TXNDC15: variants seen among roughly 807,000 people sequenced by gnomAD.
TXNDC15 encodes thioredoxin domain containing 15.
TXNDC15 carries 24 observed loss-of-function variants against 35.0 expected under a neutral mutation model. The observed-to-expected ratio is 0.68, with a 90% CI of 0.50 to 0.96. TXNDC15 has a LOEUF of 0.96. Among genes scored for constraint, TXNDC15 ranks in the 40% least tolerant of loss-of-function variants. TXNDC15 has a pLI of 0.00. For missense variants in TXNDC15, 385 were observed against 453.3 expected (o/e 0.85, Z 1.37); for synonymous variants, 169 against 174.0 (o/e 0.97, Z 0.23).
chr5:134,885,597 CT>C (rs1251366186), intron 1 of TXNDC15, among the ~76,000 whole-genome samples: 1 of 152,182 alleles, frequency 6.6e-6, no homozygotes, highest in Non-Finnish European at 1.5e-5. Context: ...GATAGCTCCT[CT>C]CATCTGCAGT....
chr5:134,888,552 C>T (rs934295737), intron 2 of TXNDC15, among the ~76,000 whole-genome samples: 2 of 152,048 alleles, frequency 1.3e-5, no homozygotes, highest in East Asian at 1.9e-4. Context: ...GGCATGATAT[C>T]GGCTCACTGC....
chr5:134,886,623 C>T (rs1353820832), intron 1 of TXNDC15, among the ~76,000 whole-genome samples: 1 of 152,236 alleles, frequency 6.6e-6, no homozygotes, highest in Admixed American at 6.5e-5. Context: ...CTGCCGAGCC[C>T]ATCTCCCAGC....
At chr5:134,875,149 C>G (rs957702742) in intron 1 of TXNDC15, 3 of 456,094 alleles carry the variant, frequency 6.6e-6, no homozygotes, top group Non-Finnish European at 1.3e-5. Context: ...GAAAAACAGA[C>G]GAGAAACACG....
At chr5:134,882,282 G>A (rs1334748659) in intron 1 of TXNDC15, among the ~76,000 whole-genome samples, 2 of 151,674 alleles carry the variant, frequency 1.3e-5, no homozygotes, top group Non-Finnish European at 2.9e-5. Flanking sequence ...TCCTAGATGG[G>A]ATGGCGGCCG....
chr5:134,895,471 G>A (rs1449671327), intron 3 of TXNDC15, among the ~76,000 whole-genome samples: 1 of 152,090 alleles, frequency 6.6e-6, no homozygotes, highest in Non-Finnish European at 1.5e-5. Flanking sequence ...TCCCTAACCT[G>A]CTTTCTTCTT....
chr5:134,874,014 TC>T (rs527390317), upstream of TXNDC15: 258 of 161,640 alleles, frequency 1.6e-3, 1 homozygote, highest in Non-Finnish European at 2.1e-3. Flanking sequence ...TTTCTGCACC[TC>T]GATGGGACAC....
intron 1 of TXNDC15, among the ~76,000 whole-genome samples, chr5:134,881,584 C>T (rs1328935903): frequency 1.8e-4 from 23 of 126,130 alleles, no homozygotes; most frequent in Non-Finnish European, 3.5e-4. Context: ...CCCATGTCTA[C>T]CTCTTTCTAC....
At chr5:134,880,458 A>C (rs1312976043) in intron 1 of TXNDC15, among the ~76,000 whole-genome samples, 1 of 148,804 alleles carries the variant, frequency 6.7e-6, no homozygotes, top group Non-Finnish European at 1.5e-5. Context: ...TTTTTTTGAG[A>C]TGGAGTCTCG....
chr5:134,874,633 C>G (rs2150182303), intron 1 of TXNDC15, 103 bp downstream of exon 1: 3 of 930,638 alleles, frequency 3.2e-6, no homozygotes, highest in South Asian at 3.5e-5. Flanking sequence ...GCGACTCGCC[C>G]CTTCTTGGCG....
chr5:134,887,225 C>T (rs987435666), intron 1 of TXNDC15, among the ~76,000 whole-genome samples: 3 of 152,182 alleles, frequency 2.0e-5, no homozygotes, highest in Non-Finnish European at 4.4e-5. Flanking sequence ...TGCTCTGTCG[C>T]CCAGACTGGA....
intron 3 of TXNDC15, 28 bp from the exon 4 acceptor site, chr5:134,896,266 C>G (rs1389583853): frequency 1.3e-6 from 2 of 1,598,510 alleles, no homozygotes; most frequent in Non-Finnish European, 1.7e-6. Context: ...ATAATAAATT[C>G]AGGTTTTTTG....
intron 1 of TXNDC15, among the ~76,000 whole-genome samples, chr5:134,877,397 A>G (rs918218246): frequency 6.6e-6 from 1 of 152,104 alleles, no homozygotes; most frequent in Non-Finnish European, 1.5e-5. Context: ...TTAGCAGGGG[A>G]GTGACATGAT....
chr5:134,890,819 C>G (rs1750375153), intron 2 of TXNDC15, among the ~76,000 whole-genome samples: 1 of 152,240 alleles, frequency 6.6e-6, no homozygotes, highest in Non-Finnish European at 1.5e-5. Context: ...TGGAGTCAAT[C>G]CTCTCAAACC....
At chr5:134,883,419 T>C (rs1276395521) in intron 1 of TXNDC15, among the ~76,000 whole-genome samples, 2 of 150,782 alleles carry the variant, frequency 1.3e-5, no homozygotes, top group East Asian at 3.9e-4. Flanking sequence ...AGAGCAAGAC[T>C]CTGTCTCAAA....
rs114907746 is a variant in TXNDC15, at chr5:134,894,238, G to A, written c.755+583G>A. Among the ~76,000 whole-genome samples the A allele has an allele frequency of 9.7e-3, 1,467 of 151,844 alleles. 23 individuals are homozygous for A. Among genetic ancestry groups the A allele is most frequent in the African/African-American group, 0.033 (1,363 of 41,384 alleles). On this transcript the variant is annotated intron_variant, in intron 3 of 4. Coordinates refer to ENST00000358387, the MANE Select transcript of TXNDC15 (RefSeq NM_024715.4). ...CATTTATCTTTGTTTTATATTTCTC[G>A]TGTATCATTCACTGGGTTTTTGTCC...
chr5:134,886,872 AGCCTCTC>A (rs1433288250), intron 1 of TXNDC15, among the ~76,000 whole-genome samples: 1 of 152,128 alleles, frequency 6.6e-6, no homozygotes, highest in African/African-American at 2.4e-5. Flanking sequence ...CACTGTGCTG[AGCCTCTC>A]TGTGCCTTGC....
At chr5:134,894,811 G>A (rs964827784) in intron 3 of TXNDC15, among the ~76,000 whole-genome samples, 1 of 152,056 alleles carries the variant, frequency 6.6e-6, no homozygotes, top group Non-Finnish European at 1.5e-5. Context: ...GAGGTTGTGT[G>A]TAAATAAATC....
intron 1 of TXNDC15, among the ~76,000 whole-genome samples, chr5:134,879,865 G>A (rs1339128622): frequency 2.0e-5 from 3 of 147,206 alleles, no homozygotes; most frequent in Non-Finnish European, 4.4e-5. Context: ...CGTGATTCTC[G>A]GCTCACTGCA....
intron 3 of TXNDC15, among the ~76,000 whole-genome samples, chr5:134,895,344 G>A (rs1022695104): frequency 3.9e-5 from 6 of 152,186 alleles, no homozygotes; most frequent in African/African-American, 1.4e-4. Flanking sequence ...CAGACTGATT[G>A]GAAGGACAGA....
Sources: gnomAD v4.1 joint callset for allele counts (sites outside exome capture counted in the v4.1 genomes callset) on GRCh38, gnomAD v4.1.1 for gene constraint, MANE v1.5 for transcripts, NCBI Gene and HGNC (gene_info 2026-07-23, HGNC 2026-07-21) for gene names.